PRR16: variants seen among roughly 807,000 people sequenced by gnomAD.
PRR16 encodes the protein protein Largen.
A neutral mutation model predicts 18.2 loss-of-function variants in PRR16; 6 were observed. That is an observed-to-expected ratio of 0.33 (90% confidence interval 0.18 to 0.65). The LOEUF (loss-of-function observed/expected upper bound fraction) is 0.65, where lower values mean the gene tolerates loss of function less well. Ranked by LOEUF, PRR16 falls within the 30% of genes least tolerant of loss-of-function variation. The pLI is 0.74. For missense variants in PRR16, 412 were observed against 376.6 expected, an observed-to-expected ratio of 1.09 and a Z score of -0.78; for synonymous variants, 151 against 147.8, an observed-to-expected ratio of 1.02 and a Z score of -0.16.
intron 1 of PRR16, among the ~76,000 whole-genome samples, chr5:120,669,297 G>C (rs969080923): frequency 1.1e-4 from 16 of 151,892 alleles, no homozygotes; most frequent in African/African-American, 3.6e-4. Flanking sequence ...GCAATATGAG[G>C]CCCTCACACC....
chr5:120,738,259 GT>G, the PRR16 span, among the ~76,000 whole-genome samples: 6 of 152,044 alleles, frequency 3.9e-5, no homozygotes, highest in African/African-American at 7.2e-5. Flanking sequence ...GGGTATAGCT[GT>G]AAGCTAATCT....
chr5:120,769,868 CTTG>C, the PRR16 span, among the ~76,000 whole-genome samples: 15 of 151,818 alleles, frequency 9.9e-5, no homozygotes, highest in African/African-American at 3.4e-4. Context: ...CTCACTGACA[CTTG>C]TTTTCTTTTG....
rs116333863 is a variant in PRR16 at position 120,574,520 on chromosome 5, C to A, written c.159+109875C>A. 8.1e-3 allele frequency among the ~76,000 whole-genome samples: 1,224 copies of A among 151,970 alleles called. 65 individuals are homozygous for A. The highest frequency in any genetic ancestry group is 0.028 in the African/African-American group (1,158 of 41,320). On this transcript the variant is annotated intron_variant, in intron 1 of 1. Coordinates refer to ENST00000407149, the MANE Select transcript of PRR16 (RefSeq NM_001300783.2). The stretch of plus-strand genomic sequence containing the variant: ...TTGGGAGCCTGAGGCATGATAATCA[C>A]TTGAACCCGAGAGGCAGAGGTTGCA...
chr5:120,611,857 G>C (rs571617411), intron 1 of PRR16, among the ~76,000 whole-genome samples: 6 of 152,284 alleles, frequency 3.9e-5, no homozygotes, highest in South Asian at 2.1e-4. Flanking sequence ...CCAGACCCCA[G>C]AATGGTAGCT....
intron 1 of PRR16, among the ~76,000 whole-genome samples, chr5:120,607,691 T>G (rs959281586): frequency 6.6e-6 from 1 of 152,118 alleles, no homozygotes; most frequent in South Asian, 2.1e-4. Context: ...CTAAGAAAGA[T>G]TTTTACTAAC....
At chr5:120,690,242 T>TAACTA (rs1427035287), downstream of PRR16, among the ~76,000 whole-genome samples, 1 of 152,156 alleles carries the variant, frequency 6.6e-6, no homozygotes, top group East Asian at 1.9e-4. Context: ...CTACAGAGTC[T>TAACTA]AACTATAGCT....
At chr5:120,541,989 C>G (rs569586206) in intron 1 of PRR16, among the ~76,000 whole-genome samples, 1 of 151,768 alleles carries the variant, frequency 6.6e-6, no homozygotes, top group African/African-American at 2.4e-5. Context: ...AGCAATATAG[C>G]TTCTTGATAC....
the PRR16 span, among the ~76,000 whole-genome samples, chr5:120,780,129 C>T: frequency 6.6e-6 from 1 of 152,126 alleles, no homozygotes; most frequent in African/African-American, 2.4e-5. Context: ...CTATCTTGTA[C>T]AGATTCTCAG....
At chr5:120,650,213 C>A (rs562555569) in intron 1 of PRR16, among the ~76,000 whole-genome samples, 1 of 141,210 alleles carries the variant, frequency 7.1e-6, no homozygotes, top group African/African-American at 2.6e-5. Context: ...AAGACTCCTT[C>A]TAAAAAAAAA....
chr5:120,711,525 G>C, the PRR16 span, among the ~76,000 whole-genome samples: 1 of 152,120 alleles, frequency 6.6e-6, no homozygotes, highest in African/African-American at 2.4e-5. Context: ...AACTATTTGA[G>C]ATTTACCCAA....
chr5:120,520,071 A>G lies in PRR16; in HGVS notation c.159+55426A>G, dbSNP rs192062502. Among the ~76,000 whole-genome samples, 148 of 152,302 alleles carry G rather than the reference A, an allele frequency of 9.7e-4. 2 individuals are homozygous for G. The highest frequency in any genetic ancestry group is 3.4e-3 in the Middle Eastern group (1 of 294). ...GGAATGAAAGCACAATAGGTTTATT[A>G]AAGTGTAGAATCAAGTGTTCCTATT... On this transcript the variant is annotated intron_variant, in intron 1 of 1. Coordinates refer to ENST00000407149, the MANE Select transcript of PRR16 (RefSeq NM_001300783.2).
Position 120,464,642 on chromosome 5 carries a change from G to C in PRR16, c.156G>C (p.Lys52Asn). The change falls in exon 1 of 2, where the codon AAG (lysine) becomes AAC (asparagine). Residue 52 changes from lysine to asparagine, a missense_variant. Lys to Asn is a moderately conservative substitution (Grantham distance 94). Coordinates refer to ENST00000407149, the MANE Select transcript of PRR16 (RefSeq NM_001300783.2). The part of the protein sequence containing the change: ...GDLKDVAKEL[K>N]EVVDQIDTLT... ...TGAAGGACGTGGCCAAGGAACTTAA[G>C]GAGGTGAGAGGCGCAGGGGTGGGGA... The C allele has an allele frequency of 6.4e-7, 1 of 1,558,552 alleles. No homozygotes were observed.
the PRR16 span, among the ~76,000 whole-genome samples, chr5:120,751,598 C>T: frequency 1.3e-5 from 2 of 151,874 alleles, no homozygotes; most frequent in African/African-American, 4.8e-5. Flanking sequence ...GGTGTATTTT[C>T]AGAGAACTTA....
chr5:120,615,144 C>T (rs1247099208), intron 1 of PRR16, among the ~76,000 whole-genome samples: 1 of 151,998 alleles, frequency 6.6e-6, no homozygotes, highest in Non-Finnish European at 1.5e-5. Context: ...CTCACATTAA[C>T]CCTATGAAGC....
the PRR16 span, among the ~76,000 whole-genome samples, chr5:120,712,194 A>G: frequency 1.3e-5 from 2 of 152,256 alleles, no homozygotes; most frequent in East Asian, 1.9e-4. Context: ...ATCACCTTCT[A>G]TAGTTACCTC....
At chr5:120,558,717 C>T (rs1357903034) in intron 1 of PRR16, among the ~76,000 whole-genome samples, 1 of 151,928 alleles carries the variant, frequency 6.6e-6, no homozygotes, top group Admixed American at 6.6e-5. Flanking sequence ...GTTGAGGAAC[C>T]TCCAAACTGT....
At position 120,647,553 on chromosome 5, in the gene PRR16, C is replaced by T. The variant is rs147057081; in HGVS notation, c.160-38401C>T. 3.2e-4 allele frequency among the ~76,000 whole-genome samples: 49 copies of T among 152,094 alleles called. No homozygotes were observed. The East Asian group carries it at 6.2e-3, about 19-fold the overall frequency. ...CTCTGTATAGACTGTATTTGACCGA[C>T]GCCTTTGGTAATACTTGACTTATTT... On this transcript the variant is annotated intron_variant, in intron 1 of 1. Transcript: ENST00000407149.
At chr5:120,586,278 A>G (rs1300886376) in intron 1 of PRR16, among the ~76,000 whole-genome samples, 2 of 152,172 alleles carry the variant, frequency 1.3e-5, no homozygotes, top group African/African-American at 4.8e-5. Flanking sequence ...TATAGGTCTT[A>G]AAAAAAGAGA....
chr5:120,671,270 A>C (rs913346858), intron 1 of PRR16, among the ~76,000 whole-genome samples: 1 of 152,114 alleles, frequency 6.6e-6, no homozygotes, highest in African/African-American at 2.4e-5. Flanking sequence ...CAAAGATCAG[A>C]TATCAGAGTT....
Sources: gnomAD v4.1 joint callset for allele counts (sites outside exome capture counted in the v4.1 genomes callset) on GRCh38, gnomAD v4.1.1 for gene constraint, MANE v1.5 for transcripts, NCBI Gene and HGNC (gene_info 2026-07-23, HGNC 2026-07-21) for gene names.